Variants in STK3 observed in about 807,000 individuals in gnomAD.
STK3 encodes serine/threonine kinase 3.
Under a neutral mutation model 58.0 loss-of-function variants are expected in STK3, and 41 were observed. That is an observed-to-expected ratio of 0.71 (90% CI 0.55 to 0.92). The LOEUF is 0.92. Among genes scored for constraint, STK3 ranks in the 40% least tolerant of loss-of-function variants. The probability of loss-of-function intolerance (pLI) is 0.00; values close to 1 mark genes in which losing one functional copy is unlikely to be tolerated. For missense variants in STK3, 479 were observed against 602.7 expected, an observed-to-expected ratio of 0.79 and a Z score of 2.15; for synonymous variants, 170 against 191.0, an observed-to-expected ratio of 0.89 and a Z score of 0.91.
intron 7 of STK3, among the ~76,000 whole-genome samples, chr8:98,584,025 A>C (rs528223072): frequency 4.7e-4 from 72 of 152,284 alleles, no homozygotes; most frequent in African/African-American, 1.7e-3. Context: ...TATGTCTTTT[A>C]ATTTAACAAA....
intron 6 of STK3, among the ~76,000 whole-genome samples, chr8:98,689,443 C>G (rs1331347754): frequency 1.3e-5 from 2 of 152,000 alleles, no homozygotes; most frequent in Non-Finnish European, 2.9e-5. Context: ...AATTACAGGC[C>G]AATATCCCTA....
chr8:98,744,964 A>G (rs1286612654), intron 4 of STK3, among the ~76,000 whole-genome samples: 1 of 152,108 alleles, frequency 6.6e-6, no homozygotes, highest in Admixed American at 6.6e-5. Flanking sequence ...CTCCAGCTAG[A>G]TTAAAGATGT....
intron 10 of STK3, among the ~76,000 whole-genome samples, chr8:98,492,810 T>TA (rs1460495835): frequency 2.1e-4 from 32 of 152,302 alleles, no homozygotes; most frequent in African/African-American, 7.2e-4. Context: ...TCCCTCTTCC[T>TA]GTCCAGATGT....
intron 8 of STK3, among the ~76,000 whole-genome samples, chr8:98,557,304 G>A (rs762896280): frequency 6.6e-6 from 1 of 151,934 alleles, no homozygotes; most frequent in South Asian, 2.1e-4. Flanking sequence ...TGTATGTCTC[G>A]AATCATGTAA....
At chr8:98,924,686 T>C (rs1839714942) in intron 1 of STK3, among the ~76,000 whole-genome samples, 1 of 152,196 alleles carries the variant, frequency 6.6e-6, no homozygotes, top group East Asian at 1.9e-4. Context: ...ACAGTCCTTG[T>C]AAAAAGCCAG....
intron 9 of STK3, among the ~76,000 whole-genome samples, chr8:98,537,790 A>C (rs1809892589): frequency 6.6e-6 from 1 of 152,188 alleles, no homozygotes; most frequent in Non-Finnish European, 1.5e-5. Flanking sequence ...ATAAAGAATA[A>C]AGTAACTATC....
intron 3 of STK3, among the ~76,000 whole-genome samples, chr8:98,394,534 A>G (rs1309347303): frequency 2.6e-5 from 4 of 152,210 alleles, no homozygotes; most frequent in African/African-American, 9.6e-5. Context: ...ACAAAATAAA[A>G]TAAAACAGAA....
intron 3 of STK3, among the ~76,000 whole-genome samples, chr8:98,849,174 C>T (rs1372343533): frequency 2.0e-5 from 3 of 147,328 alleles, no homozygotes; most frequent in South Asian, 2.1e-4. Context: ...TGCAGTGAGC[C>T]GAGATCACGC....
At chr8:98,388,913 A>G (rs1817819403), upstream of STK3, among the ~76,000 whole-genome samples, 1 of 152,236 alleles carries the variant, frequency 6.6e-6, no homozygotes, top group Non-Finnish European at 1.5e-5. Context: ...TTTAAGTTCT[A>G]GATCTGCCAC....
rs533997758 is a variant in STK3 at position 98,781,376 on chromosome 8, A to G, written c.27-6557T>C. On this transcript the variant is annotated intron_variant, in intron 1 of 10. Transcript: ENST00000419617. The stretch of plus-strand genomic sequence containing the variant: ...TTCAGCAATCTATCTAGAGGTTTCC[A>G]TGAAATGCCAATCTGTGCATGCTTA... 5.3e-5 allele frequency among the ~76,000 whole-genome samples: 8 copies of G among 152,324 alleles called. No homozygotes were observed. The South Asian group carries it at 1.7e-3, about 32-fold the overall frequency.
intron 1 of STK3, among the ~76,000 whole-genome samples, chr8:98,893,486 G>GAGAAAGAAAGAGAGAAAGAAAGAA (rs1838312783): frequency 1.2e-4 from 5 of 42,996 alleles, no homozygotes; most frequent in African/African-American, 5.5e-4. Flanking sequence ...AAGAAAGAAA[G>GAGAAAGAAAGAGAGAAAGAAAGAA]AGAAAGAAAG....
At chr8:98,648,313 G>A (rs1820567182) in intron 6 of STK3, among the ~76,000 whole-genome samples, 1 of 152,158 alleles carries the variant, frequency 6.6e-6, no homozygotes, top group East Asian at 1.9e-4. Context: ...CTTTTTAATG[G>A]CCGCATGTTA....
At chr8:98,531,673 T>C (rs1378312133) in intron 9 of STK3, among the ~76,000 whole-genome samples, 2 of 152,238 alleles carry the variant, frequency 1.3e-5, no homozygotes, top group African/African-American at 4.8e-5. Flanking sequence ...AGATGACATC[T>C]TCCAATAGAA....
chr8:98,527,053 A>C, intron 9 of STK3, 136 bp from the exon 10 acceptor site: 2 of 570,160 alleles, frequency 3.5e-6, no homozygotes, highest in Non-Finnish European at 5.4e-6. Flanking sequence ...AATTAATTTC[A>C]TAAAGAACAA....
intron 1 of STK3, among the ~76,000 whole-genome samples, chr8:98,441,172 G>A (rs566952514): frequency 2.5e-4 from 38 of 152,238 alleles, no homozygotes; most frequent in Non-Finnish European, 5.0e-4. Flanking sequence ...CATGACTACC[G>A]CCCTCTAAAC....
intron 1 of STK3, chr8:98,904,632 G>A: frequency 1.6e-6 from 1 of 614,682 alleles, no homozygotes; most frequent in South Asian, 1.4e-5. Flanking sequence ...TCCATATAGT[G>A]CTCCCGTTCA....
intron 6 of STK3, chr8:98,597,203 A>G (rs1460784561): frequency 1.1e-6 from 1 of 873,786 alleles, no homozygotes. Context: ...GAATGCCCTC[A>G]GAATATGCAG....
chr8:98,361,051 C>CTATTTT, the STK3 span, among the ~76,000 whole-genome samples: 2 of 152,180 alleles, frequency 1.3e-5, no homozygotes, highest in Admixed American at 1.3e-4. Context: ...TGATAATCTG[C>CTATTTT]TATTTTCACA....
chr8:98,875,621 A>T (rs1054593695), intron 3 of STK3: 2 of 152,206 alleles, frequency 1.3e-5, no homozygotes, highest in African/African-American at 4.8e-5. Context: ...AGGTTTCAGA[A>T]CACAATGCCT....
Sources: allele counts gnomAD v4.1 joint callset (sites outside exome capture counted in the v4.1 genomes callset), GRCh38; gene constraint gnomAD v4.1.1; transcripts MANE v1.5; gene names NCBI Gene and HGNC (gene_info 2026-07-23, HGNC 2026-07-21).